The following SBF2 variants were observed in gnomAD, a reference collection of about 807,000 sequenced individuals.
The protein encoded by SBF2 is myotubularin-related protein 13.
SBF2 carries 112 observed loss-of-function variants against 225.2 expected under a neutral mutation model. That is an observed-to-expected ratio of 0.50 (90% CI 0.43 to 0.58). SBF2 has a LOEUF of 0.58. Among genes scored for constraint, SBF2 ranks in the 20% least tolerant of loss-of-function variants. The pLI is 0.00. For synonymous variants in SBF2, 763 were observed against 773.3 expected, an observed-to-expected ratio of 0.99 and a Z score of 0.22; for missense variants, 1,996 against 2,206.2, an observed-to-expected ratio of 0.90 and a Z score of 1.91.
chr11:9,865,213 G>A (rs1214359750), intron 17 of SBF2, among the ~76,000 whole-genome samples: 2 of 151,966 alleles, frequency 1.3e-5, no homozygotes, highest in Non-Finnish European at 2.9e-5. Context: ...ATTTATTCAG[G>A]TAATGAGAAT....
intron 1 of SBF2, among the ~76,000 whole-genome samples, chr11:10,237,002 C>T (rs988062799): frequency 2.6e-5 from 4 of 152,058 alleles, no homozygotes; most frequent in African/African-American, 4.8e-5. Flanking sequence ...GTACTTTTCC[C>T]CCAGGGTATT....
At chr11:10,108,704 T>C (rs925994900) in intron 2 of SBF2, among the ~76,000 whole-genome samples, 3 of 151,714 alleles carry the variant, frequency 2.0e-5, no homozygotes, top group Admixed American at 6.6e-5. Flanking sequence ...TTTTGTATTT[T>C]TAGTAGAGGC....
At chr11:9,992,741 T>C (rs1480182276) in intron 11 of SBF2, among the ~76,000 whole-genome samples, 198 bp from the exon 12 acceptor site, 1 of 152,132 alleles carries the variant, frequency 6.6e-6, no homozygotes, top group African/African-American at 2.4e-5. Context: ...TGAATCTGTC[T>C]ACATGTCAGG....
At chr11:10,043,019 CAAT>C (rs1319155495) in intron 2 of SBF2, 38 bp from the exon 3 acceptor site, 6 of 1,582,960 alleles carry the variant, frequency 3.8e-6, no homozygotes, top group Non-Finnish European at 5.2e-6. Context: ...CATTTAAAAA[CAAT>C]AAAAGTTAAT....
At chr11:9,845,407 C>G (rs956664171) in intron 24 of SBF2, among the ~76,000 whole-genome samples, 158 bp downstream of exon 24, 1 of 152,184 alleles carries the variant, frequency 6.6e-6, no homozygotes, top group African/African-American at 2.4e-5. Context: ...ATCAATGCTG[C>G]TGTTCCGTAA....
intron 19 of SBF2, 121 bp from the exon 20 acceptor site, chr11:9,853,833 G>T: frequency 2.2e-6 from 2 of 929,130 alleles, no homozygotes; most frequent in Non-Finnish European, 3.5e-6. Context: ...CAAGTAGAAG[G>T]CTCACTTAAC....
At position 9,789,151 on chromosome 11, in the gene SBF2, A is replaced by T. The variant is rs963997810; in HGVS notation, c.4890T>A (p.Asp1630Glu). Residue 1630 changes from aspartate to glutamate, a missense_variant, in exon 35 of 40, where the codon GAT becomes GAA. Asp to Glu is a conservative substitution (Grantham distance 45, BLOSUM62 2). Transcript: ENST00000256190. Reference sequence around the variant, plus strand: ...GAGCATCAGGCTGAGTACAGCTGACATCATCATAGCATGGCCACACTGTTC... The same window carrying T: ...GAGCATCAGGCTGAGTACAGCTGACTTCATCATAGCATGGCCACACTGTTC... ...QRRTVWPCYDDVSCTQPDALT... is the reference protein window; with the variant it reads ...QRRTVWPCYDEVSCTQPDALT... The T allele has an allele frequency of 1.9e-6, 3 of 1,614,174 alleles. No homozygotes were observed. Among genetic ancestry groups the T allele is most frequent in the Non-Finnish European group, 2.5e-6 (3 of 1,180,032 alleles).
intron 19 of SBF2, among the ~76,000 whole-genome samples, chr11:9,853,950 C>A (rs148059457): frequency 6.6e-6 from 1 of 151,988 alleles, no homozygotes; most frequent in Admixed American, 6.6e-5. Flanking sequence ...TTGTTTGGAC[C>A]CAGATTTGTT....
intron 16 of SBF2, among the ~76,000 whole-genome samples, chr11:9,955,495 G>T (rs577115626): frequency 6.6e-6 from 1 of 152,066 alleles, no homozygotes; most frequent in Non-Finnish European, 1.5e-5. Context: ...TTAATCGCTA[G>T]CCAAATGGTA....
intron 3 of SBF2, among the ~76,000 whole-genome samples, chr11:10,031,652 G>A (rs1949265143): frequency 6.6e-6 from 1 of 152,196 alleles, no homozygotes; most frequent in African/African-American, 2.4e-5. Context: ...CTTGCAGAAT[G>A]CTTGGTGCTC....
At chr11:10,240,164 T>C (rs1959188759) in intron 1 of SBF2, among the ~76,000 whole-genome samples, 2 of 151,358 alleles carry the variant, frequency 1.3e-5, no homozygotes, top group Admixed American at 6.6e-5. Flanking sequence ...AAACCTTATC[T>C]CAGGAGATGA....
intron 2 of SBF2, among the ~76,000 whole-genome samples, chr11:10,102,017 T>C (rs777677492): frequency 6.6e-6 from 1 of 152,164 alleles, no homozygotes; most frequent in African/African-American, 2.4e-5. Context: ...TACTCTCTCT[T>C]GGTTTCCACC....
chr11:10,229,002 G>A (rs1958703904), intron 1 of SBF2, among the ~76,000 whole-genome samples: 1 of 152,032 alleles, frequency 6.6e-6, no homozygotes, highest in African/African-American at 2.4e-5. Context: ...TTCAGCTCCT[G>A]TTATTGGTCT....
chr11:10,133,636 C>T (rs1266187438), intron 2 of SBF2, among the ~76,000 whole-genome samples: 2 of 148,868 alleles, frequency 1.3e-5, no homozygotes, highest in Non-Finnish European at 3.0e-5. Flanking sequence ...CCCGGAACTC[C>T]AGCTGGCCCG....
chr11:9,962,817 C>A (rs187904437), intron 15 of SBF2, among the ~76,000 whole-genome samples: 2 of 152,184 alleles, frequency 1.3e-5, no homozygotes, highest in African/African-American at 2.4e-5. Flanking sequence ...AGTAGGAGGG[C>A]ATGATATCAC....
At chr11:10,224,926 C>A (rs780090421) in intron 1 of SBF2, among the ~76,000 whole-genome samples, 1 of 152,114 alleles carries the variant, frequency 6.6e-6, no homozygotes, top group African/African-American at 2.4e-5. Flanking sequence ...ATGGCTAATA[C>A]AATAAGAGTA....
intron 29 of SBF2, 113 bp from the exon 30 acceptor site, chr11:9,812,821 A>G: frequency 9.4e-7 from 1 of 1,060,974 alleles, no homozygotes; most frequent in South Asian, 1.3e-5. Flanking sequence ...ATAGCTGCAG[A>G]GGCTGCCAAT....
intron 16 of SBF2, among the ~76,000 whole-genome samples, chr11:9,910,442 CATT>C (rs1862506019): frequency 1.3e-5 from 2 of 152,086 alleles, no homozygotes; most frequent in African/African-American, 4.8e-5. Context: ...TACTTTTAAT[CATT>C]ATTTTAGAGT....
At chr11:10,249,771 A>C (rs1338380295) in intron 1 of SBF2, among the ~76,000 whole-genome samples, 1 of 103,306 alleles carries the variant, frequency 9.7e-6, no homozygotes, top group Non-Finnish European at 2.1e-5. Context: ...GGGGGAGTCC[A>C]TAGCATTGGA....
Sources: allele counts gnomAD v4.1 joint callset (sites outside exome capture counted in the v4.1 genomes callset), GRCh38; gene constraint gnomAD v4.1.1; transcripts MANE v1.5; gene names NCBI Gene and HGNC (gene_info 2026-07-23, HGNC 2026-07-21).